SCML4: variants seen among roughly 807,000 people sequenced by gnomAD.
SCML4 encodes sex comb on midleg-like protein 4.
In SCML4, 34 loss-of-function variants were observed where a neutral mutation model predicts 41.1. The ratio of observed to expected loss-of-function variants is 0.83; its 90% CI spans 0.63 to 1.10. SCML4 has a LOEUF of 1.10. Among genes scored for constraint, SCML4 ranks in the 50% least tolerant of loss-of-function variants. The pLI is 0.00. For synonymous variants in SCML4, 214 were observed against 220.9 expected, an observed-to-expected ratio of 0.97 and a Z score of 0.28; for missense variants, 522 against 534.1, an observed-to-expected ratio of 0.98 and a Z score of 0.22.
chr6:107,744,826 AG>A, intron 5 of SCML4, 122 bp downstream of exon 5: 1 of 784,550 alleles, frequency 1.3e-6, no homozygotes, highest in Non-Finnish European at 2.0e-6. Context: ...CCAGACAGGC[AG>A]CCCATGGGGC....
intron 6 of SCML4, among the ~76,000 whole-genome samples, chr6:107,708,651 C>T (rs964875042): frequency 3.3e-5 from 5 of 152,196 alleles, no homozygotes; most frequent in Admixed American, 6.5e-5. Context: ...AGTCCTTGCA[C>T]GGCCCTCTGG....
At chr6:107,802,504 G>A (rs1280320929) in intron 1 of SCML4, among the ~76,000 whole-genome samples, 1 of 151,284 alleles carries the variant, frequency 6.6e-6, no homozygotes, top group Non-Finnish European at 1.5e-5. Flanking sequence ...GGTAGGAAAT[G>A]GTGTGGGAGA....
intron 6 of SCML4, among the ~76,000 whole-genome samples, chr6:107,713,383 A>C (rs781031888): frequency 6.6e-6 from 1 of 152,136 alleles, no homozygotes; most frequent in Non-Finnish European, 1.5e-5. Context: ...AGCCCCTGCC[A>C]GCCCCTTATG....
At chr6:107,816,064 C>T (rs969019459) in intron 1 of SCML4, among the ~76,000 whole-genome samples, 2 of 152,310 alleles carry the variant, frequency 1.3e-5, no homozygotes, top group South Asian at 2.1e-4. Context: ...ACGGACGCCC[C>T]GGCCACTGCT....
intron 5 of SCML4, chr6:107,740,180 AC>A: frequency 2.1e-6 from 1 of 470,720 alleles, no homozygotes; most frequent in East Asian, 6.9e-5. Flanking sequence ...TTAAAAGGAA[AC>A]CATTTTAGGC....
intron 6 of SCML4, among the ~76,000 whole-genome samples, chr6:107,711,505 T>C (rs1468935826): frequency 6.6e-6 from 1 of 152,248 alleles, no homozygotes; most frequent in African/African-American, 2.4e-5. Flanking sequence ...GACTATACCA[T>C]CTAGGTTTGT....
At chr6:107,823,728 A>T (rs574860679) in intron 1 of SCML4, among the ~76,000 whole-genome samples, 10 of 152,358 alleles carry the variant, frequency 6.6e-5, no homozygotes, top group South Asian at 6.2e-4. Flanking sequence ...CAATTTTTTT[A>T]AAATTAAAAA....
At chr6:107,803,515 C>T (rs1461235441) in intron 1 of SCML4, among the ~76,000 whole-genome samples, 1 of 147,874 alleles carries the variant, frequency 6.8e-6, no homozygotes, top group East Asian at 2.1e-4. Context: ...AGTGAGGAGC[C>T]CCTCTGCCCG....
chr6:107,748,938 C>G (rs1273454049), intron 3 of SCML4, among the ~76,000 whole-genome samples: 1 of 152,174 alleles, frequency 6.6e-6, no homozygotes, highest in Non-Finnish European at 1.5e-5. Context: ...TGCTAAGACC[C>G]CATGACCAGT....
In SCML4 at chr6:107,745,192, C is replaced by T. The variant is rs1192906203; in HGVS notation, c.488-49G>A. 98 of 1,386,670 alleles carry T rather than the reference C, an allele frequency of 7.1e-5. 2 individuals carry two copies. Among genetic ancestry groups the T allele is most frequent in the South Asian group, 5.4e-4 (39 of 71,732 alleles). The allele number at this position is 1,386,670 out of a possible 1,614,324, so 85.9% of individuals were successfully genotyped here. On this transcript the variant is annotated intron_variant, in intron 4 of 7. Coordinates refer to ENST00000369020, the MANE Select transcript of SCML4 (RefSeq NM_198081.5). ...CTTAGAGCCGGGCACTGGAGAAAAC[C>T]GCAAGTCAATCGGCCGTGGTGAGGA...
At position 107,747,554 on chromosome 6, in the gene SCML4, G is replaced by T. The variant is rs146053418; in HGVS notation, c.287-665C>A. ...CATTCTTAACTGTATTAATGTATTG[G>T]GTGAATTTTTTACAGGAAAGTATCT... On this transcript the variant is annotated intron_variant, in intron 3 of 7. Coordinates refer to ENST00000369020, the MANE Select transcript of SCML4 (RefSeq NM_198081.5). Among the ~76,000 whole-genome samples, 634 of 150,358 alleles carry T rather than the reference G, an allele frequency of 4.2e-3. 10 individuals carry two copies. The East Asian group carries it at 0.064, about 15-fold the overall frequency.
intron 1 of SCML4, among the ~76,000 whole-genome samples, chr6:107,810,554 T>C (rs1239835306): frequency 1.3e-5 from 2 of 152,178 alleles, no homozygotes; most frequent in Non-Finnish European, 2.9e-5. Context: ...GAAACCTTCC[T>C]GAAGTCCCTT....
chr6:107,722,718 C>A (rs1050815562), intron 5 of SCML4, among the ~76,000 whole-genome samples: 1 of 152,146 alleles, frequency 6.6e-6, no homozygotes, highest in Non-Finnish European at 1.5e-5. Context: ...GGGAAGCTAG[C>A]AGATCTTCTC....
At chr6:107,718,666 T>C (rs552171331) in intron 6 of SCML4, 3 of 152,290 alleles carry the variant, frequency 2.0e-5, no homozygotes, top group Admixed American at 1.3e-4. Flanking sequence ...GAGTGAGTGA[T>C]AGAAGTTCTC....
Position 107,744,995 on chromosome 6 carries a change from A to C in SCML4, c.636T>G (p.Ser212Arg). The stretch of plus-strand genomic sequence containing the variant: ...CTTTCTCCTGGACTTTCTCAGAGGC[A>C]CTGCAGCCCCTGGGGAAGGGCTGGT... ...FSHQPFPRGC[S>R]ASEKVQEKEE... The change falls in exon 5 of 8, where the codon AGT becomes AGG. Residue 212 changes from serine to arginine, a missense_variant. By Grantham distance (110) the Ser-to-Arg change is moderately radical. Coordinates refer to ENST00000369020, the MANE Select transcript of SCML4 (RefSeq NM_198081.5). The C allele has an allele frequency of 6.2e-7, 1 of 1,613,760 alleles. No individual in the cohort carries two copies. Among genetic ancestry groups the C allele is most frequent in the Non-Finnish European group, 8.5e-7 (1 of 1,179,826 alleles).
chr6:107,775,005 A>AAAAG (rs758138693), intron 1 of SCML4, among the ~76,000 whole-genome samples: 7 of 152,196 alleles, frequency 4.6e-5, no homozygotes, highest in African/African-American at 1.4e-4. Context: ...TAAAAAAAAA[A>AAAAG]AAAGAAAGAA....
intron 5 of SCML4, chr6:107,732,129 C>T (rs1382007198): frequency 2.6e-5 from 4 of 152,262 alleles, no homozygotes; most frequent in African/African-American, 7.2e-5. Context: ...AAGGTTTCCT[C>T]CCCTGCATGC....
chr6:107,786,950 C>T (rs925727609), intron 1 of SCML4, among the ~76,000 whole-genome samples: 28 of 152,338 alleles, frequency 1.8e-4, no homozygotes, highest in African/African-American at 4.6e-4. Flanking sequence ...TTACTGTCCT[C>T]GGATTTCCAG....
chr6:107,760,331 G>A (rs1336517399), intron 2 of SCML4, among the ~76,000 whole-genome samples: 1 of 152,230 alleles, frequency 6.6e-6, no homozygotes, highest in East Asian at 1.9e-4. Context: ...TGTAATCTGG[G>A]CCATGGGCAT....
Sources: gnomAD v4.1 joint callset for allele counts (sites outside exome capture counted in the v4.1 genomes callset) on GRCh38, gnomAD v4.1.1 for gene constraint, MANE v1.5 for transcripts, NCBI Gene and HGNC (gene_info 2026-07-23, HGNC 2026-07-21) for gene names.